PRKCA: variants seen among roughly 807,000 people sequenced by gnomAD.
PRKCA encodes protein kinase C alpha type.
A neutral mutation model predicts 87.0 loss-of-function variants in PRKCA; 27 were observed. That is an observed-to-expected ratio of 0.31 (90% CI 0.23 to 0.43). PRKCA has a LOEUF of 0.43. PRKCA is among the 20% of genes least tolerant of loss of function. PRKCA has a pLI of 1.00. For synonymous variants in PRKCA, 329 were observed against 311.1 expected, an observed-to-expected ratio of 1.06 and a Z score of -0.61; for missense variants, 518 against 852.3, an observed-to-expected ratio of 0.61 and a Z score of 4.88.
intron 2 of PRKCA, among the ~76,000 whole-genome samples, chr17:66,400,458 T>C (rs1910956438): frequency 6.6e-6 from 1 of 152,228 alleles, no homozygotes. Flanking sequence ...GGGTTAACTA[T>C]AGTCACCTTT....
At position 66,570,873 on chromosome 17, in the gene PRKCA, T is replaced by G. The variant is rs146724268; in HGVS notation, c.289-70482T>G. On this transcript the variant is annotated intron_variant, in intron 3 of 16. Transcript: ENST00000413366. ...GGGTTCTAGTTACAGCTTCTAGTCC[T>G]GACCTGGAGCATGTCACTCAGCCAT... Among the ~76,000 whole-genome samples, 954 of 152,278 alleles carry G rather than the reference T, an allele frequency of 6.3e-3. 2 individuals carry two copies. Among genetic ancestry groups the G allele is most frequent in the Non-Finnish European group, 9.8e-3 (664 of 68,016 alleles).
intron 2 of PRKCA, among the ~76,000 whole-genome samples, chr17:66,328,255 G>A (rs965571244): frequency 1.3e-5 from 2 of 151,958 alleles, no homozygotes; most frequent in African/African-American, 2.4e-5. Context: ...GTCTCGCTAT[G>A]TTGTCCAGGT....
At chr17:66,497,966 A>T (rs1023726561) in intron 3 of PRKCA, among the ~76,000 whole-genome samples, 3 of 152,190 alleles carry the variant, frequency 2.0e-5, no homozygotes, top group Non-Finnish European at 4.4e-5. Context: ...CCACATACAC[A>T]TACACACGGG....
intron 5 of PRKCA, among the ~76,000 whole-genome samples, chr17:66,679,570 G>C (rs989341799): frequency 2.0e-5 from 3 of 152,248 alleles, no homozygotes; most frequent in Non-Finnish European, 4.4e-5. Context: ...TGCAGGCTTT[G>C]CCTGCCTTCC....
Position 66,720,734 on chromosome 17 carries a change from G to A in PRKCA, c.919-11954G>A, listed in dbSNP as rs575710419. Among the ~76,000 whole-genome samples, 16 of 152,274 alleles carry A rather than the reference G, an allele frequency of 1.1e-4. No homozygotes were observed. In the South Asian group the frequency reaches 2.7e-3, roughly 26 times the overall value. On this transcript the variant is annotated intron_variant, in intron 8 of 16. Coordinates refer to ENST00000413366, the MANE Select transcript of PRKCA (RefSeq NM_002737.3). ...GCTGTGAATACAGAGGACTTTCATCGTTGTACAAAAAATGGTAGGAGAAAT... is the reference window on the plus strand; with the variant it reads ...GCTGTGAATACAGAGGACTTTCATCATTGTACAAAAAATGGTAGGAGAAAT...
intron 8 of PRKCA, among the ~76,000 whole-genome samples, chr17:66,700,161 A>C (rs974913527): frequency 6.6e-6 from 1 of 152,262 alleles, no homozygotes; most frequent in Non-Finnish European, 1.5e-5. Context: ...AACATAAACC[A>C]ATCAATGTGA....
intron 3 of PRKCA, among the ~76,000 whole-genome samples, chr17:66,517,208 T>C (rs6504439): frequency 0.61 from 92,194 of 151,856 alleles, 29,324 homozygotes; most frequent in African/African-American, 0.81. Context: ...CACTTGAACC[T>C]GGGAGGTAGA....
Position 66,517,406 on chromosome 17 carries a change from G to A in PRKCA, c.288+21123G>A, listed in dbSNP as rs571632414. Among the ~76,000 whole-genome samples the A allele has an allele frequency of 7.9e-5, 12 of 151,952 alleles. No individual in the cohort carries two copies. The South Asian group carries it at 1.9e-3, about 24-fold the overall frequency. The stretch of plus-strand genomic sequence containing the variant: ...CAGTTGTTTCTCTTCCACCTCCTGC[G>A]TGCCTCTTTGAAGACTTTCATACCA... On this transcript the variant is annotated intron_variant, in intron 3 of 16. Coordinates refer to ENST00000413366, the MANE Select transcript of PRKCA (RefSeq NM_002737.3).
At chr17:66,638,753 C>G (rs1446921172) in intron 3 of PRKCA, among the ~76,000 whole-genome samples, 1 of 151,800 alleles carries the variant, frequency 6.6e-6, no homozygotes, top group African/African-American at 2.4e-5. Flanking sequence ...GGGGCTGAGG[C>G]AGGAGAATGG....
chr17:66,464,968 C>T (rs1219296444), intron 2 of PRKCA, among the ~76,000 whole-genome samples: 1 of 151,918 alleles, frequency 6.6e-6, no homozygotes, highest in Non-Finnish European at 1.5e-5. Context: ...AGATCTTTCT[C>T]CTTTGTTATT....
intron 2 of PRKCA, among the ~76,000 whole-genome samples, chr17:66,337,365 T>C (rs1278015082): frequency 6.6e-6 from 1 of 152,150 alleles, no homozygotes. Context: ...AAATCAAGTT[T>C]CTAAGAGGTA....
chr17:66,761,699 C>A (rs1470925194), intron 13 of PRKCA, among the ~76,000 whole-genome samples: 4 of 151,996 alleles, frequency 2.6e-5, no homozygotes, highest in Admixed American at 1.3e-4. Flanking sequence ...GCTGGGATTA[C>A]AAATGTGAGC....
chr17:66,437,170 G>C (rs763494023), intron 2 of PRKCA, among the ~76,000 whole-genome samples: 5 of 152,194 alleles, frequency 3.3e-5, no homozygotes, highest in Non-Finnish European at 5.9e-5. Flanking sequence ...ACCAGGTAGG[G>C]AGTTGGCAGC....
intron 2 of PRKCA, among the ~76,000 whole-genome samples, chr17:66,324,296 A>G (rs1291436679): frequency 6.6e-6 from 1 of 152,098 alleles, no homozygotes; most frequent in Non-Finnish European, 1.5e-5. Context: ...CAAAATACTA[A>G]GGGTGCTTTT....
chr17:66,500,027 C>T (rs976706927), intron 3 of PRKCA, among the ~76,000 whole-genome samples: 3 of 152,130 alleles, frequency 2.0e-5, no homozygotes, highest in African/African-American at 7.2e-5. Flanking sequence ...GGTGATTCAG[C>T]CATGAGGTGG....
chr17:66,578,689 C>T (rs1364029890), intron 3 of PRKCA, among the ~76,000 whole-genome samples: 2 of 152,172 alleles, frequency 1.3e-5, no homozygotes, highest in Non-Finnish European at 2.9e-5. Context: ...GTCTTCCACA[C>T]CCTTTAGTGT....
rs1390419368 is a variant in PRKCA, at chr17:66,803,138, G to A, written c.1855-735G>A. Among the ~76,000 whole-genome samples the A allele has an allele frequency of 1.3e-5, 2 of 152,126 alleles. No individual in the cohort carries two copies. The highest frequency in any genetic ancestry group is 4.8e-5 in the African/African-American group (2 of 41,426). ...TGCCTGGAGTGGACCCTGGAGGAGA[G>A]GAACAGCCGAGACAGCAGGCCTCTC... is the stretch of plus-strand genomic sequence containing the variant. On this transcript the variant is annotated intron_variant, in intron 16 of 16. Transcript: ENST00000413366. The surrounding 1 kb of genome is among the most constrained non-coding windows in gnomAD (Gnocchi z 4.4).
rs548589590 is a variant in PRKCA at position 66,536,896 on chromosome 17, G to T, written c.288+40613G>T. Among the ~76,000 whole-genome samples the T allele has an allele frequency of 3.5e-4, 54 of 152,320 alleles. No homozygotes were observed. The South Asian group carries it at 9.5e-3, about 27-fold the overall frequency. ...CAGTCCCTGAGATGAGTGCTTGATA[G>T]ATAGAGGTGAACGATGGGGGCTTGG... On this transcript the variant is annotated intron_variant, in intron 3 of 16. Coordinates refer to ENST00000413366, the MANE Select transcript of PRKCA (RefSeq NM_002737.3).
intron 16 of PRKCA, among the ~76,000 whole-genome samples, chr17:66,790,911 C>A (rs1975518659): frequency 6.6e-6 from 1 of 151,336 alleles, no homozygotes; most frequent in African/African-American, 2.4e-5. Flanking sequence ...TCACAGGAAG[C>A]AAAATTGTAC....
Sources: allele counts gnomAD v4.1 joint callset (sites outside exome capture counted in the v4.1 genomes callset), GRCh38; gene constraint gnomAD v4.1.1; non-coding constraint Gnocchi (gnomAD v3.1); transcripts MANE v1.5; gene names NCBI Gene and HGNC (gene_info 2026-07-23, HGNC 2026-07-21).